Variants in ACSM2B observed in about 807,000 individuals in gnomAD.
The protein encoded by ACSM2B is acyl-coenzyme A synthetase ACSM2B, mitochondrial.
ACSM2B carries 58 observed loss-of-function variants against 78.6 expected under a neutral mutation model. The observed-to-expected ratio is 0.74, with a 90% CI of 0.60 to 0.92. The LOEUF (loss-of-function observed/expected upper bound fraction) is 0.92, where lower values mean the gene tolerates loss of function less well. Ranked by LOEUF, ACSM2B falls within the 40% of genes least tolerant of loss-of-function variation. The pLI, the probability that ACSM2B is intolerant of heterozygous loss-of-function variation, is 0.00. For synonymous variants in ACSM2B, 257 were observed against 256.8 expected (o/e 1.00, Z -0.01); for missense variants, 688 against 711.2 (o/e 0.97, Z 0.37).
intron 10 of ACSM2B, 68 bp from the exon 11 acceptor site, chr16:20,543,330 T>C (rs2015052339): frequency 6.2e-7 from 1 of 1,609,708 alleles, no homozygotes; most frequent in South Asian, 1.1e-5. Flanking sequence ...GGGGCTGCCA[T>C]GAACAAATGC....
rs543451368 is a variant in ACSM2B at position 20,576,231 on chromosome 16, T to C, written c.-33A>G. On this transcript the variant is annotated 5_prime_UTR_variant, in exon 1 of 14. Transcript: ENST00000329697. ...CCTGCCAAGTCCTCTCAGGATGTCT[T>C]TCTGGAGAGAGCTTCGTCCACCCTC... 4 of 151,920 alleles carry C rather than the reference T, an allele frequency of 2.6e-5. No homozygotes were observed. The highest frequency in any genetic ancestry group is 2.6e-4 in the Admixed American group (4 of 15,236). The allele number at this position is 151,920 out of a possible 1,614,324, so 9.4% of individuals were successfully genotyped here. A position where few individuals can be genotyped will look rare whatever the true frequency, so the allele number is the denominator to read the frequency against.
At chr16:20,547,690 G>A (rs2015180673) in intron 8 of ACSM2B, 1 of 1,089,316 alleles carries the variant, frequency 9.2e-7, no homozygotes, top group Admixed American at 4.8e-5. Flanking sequence ...GATAAACTTT[G>A]GTCTCTGCTA....
intron 2 of ACSM2B, among the ~76,000 whole-genome samples, chr16:20,562,562 C>A (rs1191897812): frequency 6.6e-6 from 1 of 152,120 alleles, no homozygotes; most frequent in East Asian, 1.9e-4. Context: ...TATAATTTAA[C>A]TTTAAAGCAA....
intron 5 of ACSM2B, 107 bp from the exon 6 acceptor site, chr16:20,552,404 C>T (rs144399492): frequency 0.025 from 36,682 of 1,448,868 alleles, 445 homozygotes; most frequent in Non-Finnish European, 0.03. Context: ...CAGAGGTGTG[C>T]GTGTATCTGC....
intron 1 of ACSM2B, among the ~76,000 whole-genome samples, chr16:20,567,638 A>G (rs1002279678): frequency 1.0e-4 from 14 of 136,952 alleles, no homozygotes; most frequent in Admixed American, 9.0e-4. Flanking sequence ...ATCTATATCT[A>G]TATATACTAT....
chr16:20,543,567 C>T (rs1317348665), intron 10 of ACSM2B, among the ~76,000 whole-genome samples: 1 of 152,204 alleles, frequency 6.6e-6, no homozygotes, highest in Non-Finnish European at 1.5e-5. Context: ...TCCATCTCTC[C>T]TTTCATAGAT....
Position 20,545,487 on chromosome 16 carries a change from G to C in ACSM2B, c.1180-229C>G, listed in dbSNP as rs186833475. ...ATTGAGACTGGCCCAGATGAGCCTG[G>C]GGAGATGCTTTTGGCTCTAGGAGCT... On this transcript the variant is annotated intron_variant, in intron 9 of 13. Coordinates refer to ENST00000329697, the MANE Select transcript of ACSM2B (RefSeq NM_001105069.2). Among the ~76,000 whole-genome samples the C allele has an allele frequency of 3.4e-3, 514 of 152,230 alleles. 4 individuals are homozygous for C. The highest frequency in any genetic ancestry group is 0.012 in the African/African-American group (503 of 41,532).
chr16:20,556,496 G>A (rs1261081939), intron 3 of ACSM2B, among the ~76,000 whole-genome samples: 1 of 152,170 alleles, frequency 6.6e-6, no homozygotes, highest in Non-Finnish European at 1.5e-5. Flanking sequence ...CAGCTACTCA[G>A]GAGGCTGACG....
chr16:20,545,393 A>T (rs1267301485), intron 9 of ACSM2B, 135 bp from the exon 10 acceptor site: 17 of 1,012,738 alleles, frequency 1.7e-5, no homozygotes, highest in Admixed American at 2.9e-5. Context: ...CCAAAAACCA[A>T]GGGAACCCAA....
In ACSM2B at chr16:20,555,494, T is replaced by C. The variant is rs1486251274; in HGVS notation, c.389-18A>G. On this transcript the variant is annotated intron_variant, in intron 3 of 13. Coordinates refer to ENST00000329697, the MANE Select transcript of ACSM2B (RefSeq NM_001105069.2). Reference sequence around the variant, plus strand: ...GATGAGACCTAAAGAAGCCAACAATTTAGAGAATTGGAAAGGATGGTTTTC... The same window carrying C: ...GATGAGACCTAAAGAAGCCAACAATCTAGAGAATTGGAAAGGATGGTTTTC... 1 of 1,610,924 alleles carries C rather than the reference T, an allele frequency of 6.2e-7. No individual in the cohort carries two copies. Among genetic ancestry groups the C allele is most frequent in the East Asian group, 2.2e-5 (1 of 44,800 alleles).
At position 20,552,069 on chromosome 16, in the gene ACSM2B, C is replaced by A. The variant is rs1360374800; in HGVS notation, c.894+75G>T. The A allele has an allele frequency of 1.2e-5, 19 of 1,523,882 alleles. No homozygotes were observed. In the Middle Eastern group the frequency reaches 7.1e-4, roughly 57 times the overall value. 94.4% of individuals were successfully genotyped at this position (1,523,882 alleles called of 1,614,324 possible). A position where few individuals can be genotyped will look rare whatever the true frequency, so the allele number is the denominator to read the frequency against. The stretch of plus-strand genomic sequence containing the variant: ...TTAGCAAAAATTAGATGAATTGAAA[C>A]AAACTACAAAAAATTGAAGTGTGCA... On this transcript the variant is annotated intron_variant, in intron 6 of 13. Coordinates refer to ENST00000329697, the MANE Select transcript of ACSM2B (RefSeq NM_001105069.2).
At chr16:20,551,402 G>A (rs1834638854) in intron 6 of ACSM2B, among the ~76,000 whole-genome samples, 1 of 152,004 alleles carries the variant, frequency 6.6e-6, no homozygotes, top group South Asian at 2.1e-4. Flanking sequence ...GTGCCCCAGT[G>A]ATAGCATGAG....
chr16:20,563,992 A>G (rs1354434452), intron 2 of ACSM2B, among the ~76,000 whole-genome samples: 27 of 150,022 alleles, frequency 1.8e-4, no homozygotes, highest in African/African-American at 6.3e-4. Flanking sequence ...GATGTCTCAT[A>G]TTGAAGCCCT....
intron 4 of ACSM2B, among the ~76,000 whole-genome samples, chr16:20,554,461 C>T (rs2015409022): frequency 6.6e-6 from 1 of 152,148 alleles, no homozygotes. Context: ...TATTTATTTC[C>T]ATGACAGCTA....
At chr16:20,551,654 A>C (rs2015314016) in intron 6 of ACSM2B, among the ~76,000 whole-genome samples, 1 of 152,122 alleles carries the variant, frequency 6.6e-6, no homozygotes, top group Non-Finnish European at 1.5e-5. Context: ...ACAGTATCTA[A>C]CACAGCTAAA....
intron 10 of ACSM2B, 200 bp downstream of exon 10, chr16:20,544,957 G>A: frequency 9.9e-7 from 1 of 1,008,380 alleles, no homozygotes; most frequent in East Asian, 2.9e-5. Flanking sequence ...CTTCCAATGA[G>A]ATCACAGTGA....
chr16:20,552,851 C>CTTGTGACGGGAACTGCCATAGTGT (rs1567210590), intron 5 of ACSM2B, among the ~76,000 whole-genome samples: 1 of 152,144 alleles, frequency 6.6e-6, no homozygotes, highest in Non-Finnish European at 1.5e-5. Context: ...GAACAACTTC[C>CTTGTGACGGGAACTGCCATAGTGT]TTGTGACGGG....
chr16:20,545,808 A>C (rs2015123020), intron 9 of ACSM2B, among the ~76,000 whole-genome samples: 1 of 152,228 alleles, frequency 6.6e-6, no homozygotes, highest in African/African-American at 2.4e-5. Flanking sequence ...TACACTTTAG[A>C]TATACAGAAC....
chr16:20,545,333 G>A lies in ACSM2B; in HGVS notation c.1180-75C>T, dbSNP rs545227326. The A allele has an allele frequency of 6.8e-5, 104 of 1,528,402 alleles. 1 individual carries two copies. In the South Asian group the frequency reaches 7.8e-4, roughly 11 times the overall value. 94.7% of individuals were successfully genotyped at this position (1,528,402 alleles called of 1,614,324 possible). On this transcript the variant is annotated intron_variant, in intron 9 of 13. Transcript: ENST00000329697. ...TTCAATGGCAGCAGGAGATTGCTGA[G>A]TTGGTCAAATGAAAGACTCTCTTGC... is the stretch of plus-strand genomic sequence containing the variant.
Sources: allele counts gnomAD v4.1 joint callset (sites outside exome capture counted in the v4.1 genomes callset), GRCh38; gene constraint gnomAD v4.1.1; transcripts MANE v1.5; gene names NCBI Gene and HGNC (gene_info 2026-07-23, HGNC 2026-07-21).